Variants in TAF4B observed in about 807,000 individuals in gnomAD.
The protein encoded by TAF4B is transcription initiation factor TFIID subunit 4B.
In TAF4B, 38 loss-of-function variants were observed where a neutral mutation model predicts 86.4. That is an observed-to-expected ratio of 0.44 (90% CI 0.34 to 0.58). The LOEUF (loss-of-function observed/expected upper bound fraction) is 0.58. Among genes scored for constraint, TAF4B ranks in the 20% least tolerant of loss-of-function variants. TAF4B has a pLI of 0.02. For missense variants in TAF4B, 988 were observed against 1,027.6 expected, an observed-to-expected ratio of 0.96 and a Z score of 0.53; for synonymous variants, 388 against 391.2, an observed-to-expected ratio of 0.99 and a Z score of 0.10.
intron 3 of TAF4B, among the ~76,000 whole-genome samples, chr18:26,273,854 C>A (rs2056350571): frequency 6.6e-6 from 1 of 152,148 alleles, no homozygotes; most frequent in South Asian, 2.1e-4. Flanking sequence ...GTGTTGCATG[C>A]TTGTAGAACA....
chr18:26,326,152 G>A (rs1032733521), intron 11 of TAF4B, among the ~76,000 whole-genome samples: 1 of 152,152 alleles, frequency 6.6e-6, no homozygotes, highest in Non-Finnish European at 1.5e-5. Flanking sequence ...TGATTAGAAA[G>A]CTCTCCCTGT....
At chr18:26,243,883 A>G (rs927221566) in intron 1 of TAF4B, among the ~76,000 whole-genome samples, 3 of 152,178 alleles carry the variant, frequency 2.0e-5, no homozygotes, top group African/African-American at 7.2e-5. Flanking sequence ...TCACCAGTGG[A>G]GGCTGCAGTA....
intron 7 of TAF4B, among the ~76,000 whole-genome samples, chr18:26,290,211 T>A (rs2144606552): frequency 6.6e-6 from 1 of 152,204 alleles, no homozygotes; most frequent in Non-Finnish European, 1.5e-5. Context: ...GCCATCATGG[T>A]TCACTGCAGC....
At chr18:26,329,379 T>G (rs1177984945) in intron 12 of TAF4B, among the ~76,000 whole-genome samples, 1 of 152,214 alleles carries the variant, frequency 6.6e-6, no homozygotes, top group African/African-American at 2.4e-5. Context: ...TTAAGCTTTT[T>G]GAAAGTAGTC....
intron 7 of TAF4B, among the ~76,000 whole-genome samples, chr18:26,288,998 C>T (rs536414489): frequency 8.5e-5 from 13 of 152,246 alleles, no homozygotes; most frequent in Non-Finnish European, 1.5e-4. Context: ...AGTATTTACA[C>T]CTACCTGTTT....
chr18:26,385,727 G>T (rs1003182089), intron 14 of TAF4B, among the ~76,000 whole-genome samples: 1 of 146,346 alleles, frequency 6.8e-6, no homozygotes, highest in Non-Finnish European at 1.5e-5. Context: ...CAAACTCTGG[G>T]CCCTTAACCA....
At chr18:26,288,844 A>G (rs1266936526) in intron 7 of TAF4B, among the ~76,000 whole-genome samples, 1 of 152,166 alleles carries the variant, frequency 6.6e-6, no homozygotes, top group Non-Finnish European at 1.5e-5. Context: ...AATCATTTCA[A>G]TAAAGAAATA....
chr18:26,303,247 T>C (rs1409524274), intron 9 of TAF4B, among the ~76,000 whole-genome samples: 4 of 105,336 alleles, frequency 3.8e-5, no homozygotes, highest in East Asian at 3.3e-4. Context: ...ACTTTCATAC[T>C]CCCTCCACTT....
At chr18:26,300,151 T>A (rs1033991627) in intron 9 of TAF4B, among the ~76,000 whole-genome samples, 4 of 152,016 alleles carry the variant, frequency 2.6e-5, no homozygotes, top group African/African-American at 9.6e-5. Context: ...CCGGCTAATT[T>A]TTTTAATTTT....
rs567661534 is a variant in TAF4B, at chr18:26,368,829, AC to A, written c.2421+11036del. Among the ~76,000 whole-genome samples the A allele has an allele frequency of 4.6e-3, 706 of 152,218 alleles. 5 individuals carry two copies. Among genetic ancestry groups the A allele is most frequent in the Non-Finnish European group, 7.9e-3 (534 of 68,014 alleles). On this transcript the variant is annotated intron_variant, in intron 14 of 14. Coordinates refer to ENST00000269142, the MANE Select transcript of TAF4B (RefSeq NM_005640.3). Reference sequence around the variant, plus strand: ...GTTTGGTCTTTAAAATTTTCCAAAGACTTAAAGGTTGACTCTTTGTCAGCTA... The same window carrying A: ...GTTTGGTCTTTAAAATTTTCCAAAGATTAAAGGTTGACTCTTTGTCAGCTA...
intron 1 of TAF4B, among the ~76,000 whole-genome samples, chr18:26,239,978 T>G (rs1028162908): frequency 1.3e-5 from 2 of 152,226 alleles, no homozygotes; most frequent in African/African-American, 4.8e-5. Context: ...CCATGCTGTT[T>G]TGGTTACTAT....
intron 9 of TAF4B, 41 bp from the exon 10 acceptor site, chr18:26,315,188 C>T (rs1249064541): frequency 1.4e-6 from 2 of 1,386,420 alleles, no homozygotes; most frequent in Non-Finnish European, 1.9e-6. Context: ...CACACACACA[C>T]ACACAACCTA....
chr18:26,243,354 C>A (rs988126400), intron 1 of TAF4B, among the ~76,000 whole-genome samples: 1 of 152,042 alleles, frequency 6.6e-6, no homozygotes, highest in East Asian at 1.9e-4. Flanking sequence ...TCACTGATAC[C>A]CTTTCTTCCA....
intron 9 of TAF4B, chr18:26,304,763 T>C: frequency 3.0e-6 from 3 of 985,436 alleles, no homozygotes; most frequent in Non-Finnish European, 3.6e-6. Context: ...ACACCTTTTT[T>C]TTAACAGGTC....
Position 26,306,091 on chromosome 18 carries a change from G to A in TAF4B, c.1833-9138G>A, listed in dbSNP as rs957675361. Among the ~76,000 whole-genome samples, 48 of 152,210 alleles carry A rather than the reference G, an allele frequency of 3.2e-4. 1 individual carries two copies. The highest frequency in any genetic ancestry group is 1.0e-3 in the African/African-American group (43 of 41,450). ...ACGGTCTGTGGTGTTAGGGATCCGTGCTCCATGTTTGCCTCCTTTCTGTTC... is the reference window on the plus strand; with the variant it reads ...ACGGTCTGTGGTGTTAGGGATCCGTACTCCATGTTTGCCTCCTTTCTGTTC... On this transcript the variant is annotated intron_variant, in intron 9 of 14. Coordinates refer to ENST00000269142, the MANE Select transcript of TAF4B (RefSeq NM_005640.3).
intron 1 of TAF4B, among the ~76,000 whole-genome samples, chr18:26,254,465 C>T (rs1424728241): frequency 2.6e-5 from 4 of 152,104 alleles, no homozygotes; most frequent in Non-Finnish European, 5.9e-5. Context: ...CAAAGGTCAA[C>T]TGAAGTAATC....
rs1019088212 is a variant in TAF4B, at chr18:26,230,077, A to G, written c.343+2801A>G. Reference sequence around the variant, plus strand: ...AATGCACAAGAGAATATTTGAGGAAATATTAATAAAAGGTTTTCAGTAATT... The same window carrying G: ...AATGCACAAGAGAATATTTGAGGAAGTATTAATAAAAGGTTTTCAGTAATT... On this transcript the variant is annotated intron_variant, in intron 1 of 14. Transcript: ENST00000269142. Among the ~76,000 whole-genome samples the G allele has an allele frequency of 3.3e-5, 5 of 152,154 alleles. No homozygotes were observed. In the South Asian group the frequency reaches 6.2e-4, roughly 19 times the overall value.
chr18:26,237,933 A>G (rs750559204), intron 1 of TAF4B, among the ~76,000 whole-genome samples: 1 of 152,180 alleles, frequency 6.6e-6, no homozygotes, highest in Non-Finnish European at 1.5e-5. Flanking sequence ...ATCAGAAAAG[A>G]GAAAACTGCC....
At chr18:26,317,106 T>C (rs1489822173) in intron 10 of TAF4B, among the ~76,000 whole-genome samples, 3 of 148,218 alleles carry the variant, frequency 2.0e-5, no homozygotes, top group African/African-American at 7.4e-5. Context: ...CTCGGCTCAC[T>C]ATAACCTCCG....
Sources: gnomAD v4.1 joint callset for allele counts (sites outside exome capture counted in the v4.1 genomes callset) on GRCh38, gnomAD v4.1.1 for gene constraint, MANE v1.5 for transcripts, NCBI Gene and HGNC (gene_info 2026-07-23, HGNC 2026-07-21) for gene names.